CCDC171: variants seen among roughly 807,000 people sequenced by gnomAD.
CCDC171 encodes the protein coiled-coil domain-containing protein 171.
Under a neutral mutation model 168.2 loss-of-function variants are expected in CCDC171, and 177 were observed. That is an observed-to-expected ratio of 1.05 (90% CI 0.93 to 1.19). The LOEUF (loss-of-function observed/expected upper bound fraction) is 1.19, where lower values mean the gene tolerates loss of function less well. CCDC171 is among the 50% of genes most tolerant of loss of function. The pLI, the probability that CCDC171 is intolerant of heterozygous loss-of-function variation, is 0.00. For synonymous variants in CCDC171, 687 were observed against 540.8 expected (o/e 1.27, Z -3.75); for missense variants, 1,991 against 1,539.0 (o/e 1.29, Z -4.91).
chr9:15,778,834 C>T, intron 19 of CCDC171, 134 bp from the exon 20 acceptor site: 1 of 555,450 alleles, frequency 1.8e-6, no homozygotes, highest in Non-Finnish European at 2.8e-6. Context: ...ATAAAGTTTT[C>T]ACCTCTACAT....
At position 15,951,725 on chromosome 9, in the gene CCDC171, A is replaced by T. The variant is rs571137693; in HGVS notation, c.3754-19884A>T. On this transcript the variant is annotated intron_variant, in intron 25 of 25. Coordinates refer to ENST00000380701, the MANE Select transcript of CCDC171 (RefSeq NM_173550.4). ...TTTTTAAATCAGGCATTTTGTTGTC[A>T]TTGAGTTTTAGAAGTTTTCTATATA... is the stretch of plus-strand genomic sequence containing the variant. 7.2e-5 allele frequency among the ~76,000 whole-genome samples: 11 copies of T among 152,138 alleles called. No individual in the cohort carries two copies. The East Asian group carries it at 1.9e-3, about 27-fold the overall frequency.
At chr9:16,067,051 T>C in the CCDC171 span, among the ~76,000 whole-genome samples, 1 of 152,070 alleles carries the variant, frequency 6.6e-6, no homozygotes, top group Non-Finnish European at 1.5e-5. Flanking sequence ...ACTTCCACAG[T>C]GGTTGAACTA....
chr9:15,845,554 A>G (rs1047736183), intron 21 of CCDC171: 13 of 152,106 alleles, frequency 8.5e-5, no homozygotes, highest in African/African-American at 2.4e-4. Flanking sequence ...TTTTTTTTAT[A>G]CTACCCATTG....
chr9:15,667,036 T>C (rs2048783409), intron 9 of CCDC171, among the ~76,000 whole-genome samples: 1 of 152,194 alleles, frequency 6.6e-6, no homozygotes, highest in African/African-American at 2.4e-5. Flanking sequence ...AGTAAGGACA[T>C]ACAGCTCCTA....
At position 16,003,595 on chromosome 9, in the gene CCDC171, A is replaced by T. The variant is rs142434561; in HGVS notation, n.369-16994A>T. ...GGATGGAGGGGCACATTTTCTGAAT[A>T]TATAAAAAGGCTTTTAAATACTTGG... is the stretch of plus-strand genomic sequence containing the variant. On this transcript the variant is annotated intron_variant and non_coding_transcript_variant, in intron 3 of 9. Transcript: ENST00000486641. Among the ~76,000 whole-genome samples the T allele has an allele frequency of 1.7e-3, 255 of 152,314 alleles. 2 individuals are homozygous for T. The highest frequency in any genetic ancestry group is 5.7e-3 in the African/African-American group (237 of 41,564).
At chr9:15,891,088 G>C (rs1820154811) in intron 24 of CCDC171, among the ~76,000 whole-genome samples, 2 of 152,010 alleles carry the variant, frequency 1.3e-5, no homozygotes, top group Admixed American at 6.6e-5. Flanking sequence ...TATAATTCTA[G>C]CTAAATGTGT....
At chr9:15,957,786 G>C (rs1403353983) in intron 25 of CCDC171, among the ~76,000 whole-genome samples, 1 of 152,182 alleles carries the variant, frequency 6.6e-6, no homozygotes, top group East Asian at 1.9e-4. Context: ...ACTCCTGTCT[G>C]AATGTCTTGA....
chr9:15,649,059 A>G (rs549355639), intron 7 of CCDC171, among the ~76,000 whole-genome samples: 1 of 152,334 alleles, frequency 6.6e-6, no homozygotes, highest in African/African-American at 2.4e-5. Flanking sequence ...GATATAGACC[A>G]ATGGAACAGA....
At chr9:15,921,459 C>T (rs1031656410) in intron 25 of CCDC171, among the ~76,000 whole-genome samples, 1 of 151,636 alleles carries the variant, frequency 6.6e-6, no homozygotes, top group Non-Finnish European at 1.5e-5. Context: ...ACATATGGTG[C>T]ATTTTATTTA....
At chr9:15,945,800 G>A (rs1828288306) in intron 25 of CCDC171, among the ~76,000 whole-genome samples, 1 of 151,908 alleles carries the variant, frequency 6.6e-6, no homozygotes, top group South Asian at 2.1e-4. Flanking sequence ...AGATGTGTAG[G>A]TTGCGAAGAT....
At chr9:15,740,963 A>G (rs528132815) in intron 16 of CCDC171, among the ~76,000 whole-genome samples, 2 of 152,298 alleles carry the variant, frequency 1.3e-5, no homozygotes, top group Admixed American at 6.5e-5. Flanking sequence ...TTTCAACCAT[A>G]TTTAAAACTT....
At chr9:16,070,615 A>G in the CCDC171 span, among the ~76,000 whole-genome samples, 1 of 152,138 alleles carries the variant, frequency 6.6e-6, no homozygotes, top group Non-Finnish European at 1.5e-5. Flanking sequence ...GATGGGTGTG[A>G]CTGTCTTCAG....
chr9:15,779,444 C>CT (rs2057540173), intron 20 of CCDC171, among the ~76,000 whole-genome samples: 1 of 152,110 alleles, frequency 6.6e-6, no homozygotes, highest in East Asian at 1.9e-4. Flanking sequence ...ACTGCAACCT[C>CT]TGCCCCCCGG....
chr9:15,983,507 T>A (rs543742653), intron 3 of CCDC171, among the ~76,000 whole-genome samples: 11,264 of 143,206 alleles, frequency 0.079, 1,321 homozygotes, highest in African/African-American at 0.26. Flanking sequence ...TGTGTGTGTG[T>A]GTGTGAGAGA....
intron 4 of CCDC171, among the ~76,000 whole-genome samples, chr9:16,021,505 TA>T (rs1353867283): frequency 3.3e-5 from 5 of 152,230 alleles, no homozygotes; most frequent in Non-Finnish European, 7.3e-5. Context: ...GCAAGGTAAC[TA>T]AAGGCAGGGA....
intron 14 of CCDC171, 92 bp downstream of exon 14, chr9:15,725,068 A>G (rs2053711700): frequency 1.1e-6 from 1 of 940,234 alleles, no homozygotes; most frequent in Admixed American, 2.2e-5. Context: ...TATTTAATTA[A>G]GAAAATTGTT....
intron 11 of CCDC171, among the ~76,000 whole-genome samples, chr9:15,700,749 T>C (rs1564241435): frequency 6.6e-6 from 1 of 152,168 alleles, no homozygotes. Context: ...TCCTCCTGAG[T>C]AGCTGGGACT....
At chr9:15,771,846 A>T (rs1447095208) in intron 18 of CCDC171, among the ~76,000 whole-genome samples, 1 of 151,582 alleles carries the variant, frequency 6.6e-6, no homozygotes, top group Non-Finnish European at 1.5e-5. Context: ...TTTTGGGGGG[A>T]CGGGCGGGGC....
chr9:15,576,116 T>TC lies in CCDC171; in HGVS notation c.178-2733_178-2732insC, dbSNP rs2040637194. ...CAAAAAAAAAAAAATTATAGCTACA[T>TC]ATATATCATATTTCAGTTGTGTGTG... On this transcript the variant is annotated intron_variant, in intron 3 of 25. Transcript: ENST00000380701. Among the ~76,000 whole-genome samples, 5 of 147,942 alleles carry TC rather than the reference T, an allele frequency of 3.4e-5. No homozygotes were observed. The South Asian group carries it at 8.6e-4, about 25-fold the overall frequency.
Sources: gnomAD v4.1 joint callset for allele counts (sites outside exome capture counted in the v4.1 genomes callset) on GRCh38, gnomAD v4.1.1 for gene constraint, MANE v1.5 for transcripts, NCBI Gene and HGNC (gene_info 2026-07-23, HGNC 2026-07-21) for gene names.